Variants in BCAS3 observed in about 807,000 individuals in gnomAD.
BCAS3 encodes the protein BCAS3 microtubule associated cell migration factor, also known as BCAS4/BCAS3 fusion.
In BCAS3, 53 loss-of-function variants were observed where a neutral mutation model predicts 116.1. The ratio of observed to expected loss-of-function variants is 0.46; its 90% CI spans 0.37 to 0.57. The LOEUF (loss-of-function observed/expected upper bound fraction) is 0.57. Ranked by LOEUF, BCAS3 falls within the 20% of genes least tolerant of loss-of-function variation. BCAS3 has a pLI of 0.00. For missense variants in BCAS3, 917 were observed against 1,165.4 expected, an observed-to-expected ratio of 0.79 and a Z score of 3.10; for synonymous variants, 391 against 408.2, an observed-to-expected ratio of 0.96 and a Z score of 0.51.
intron 23 of BCAS3, among the ~76,000 whole-genome samples, chr17:61,370,444 T>A (rs555971063): frequency 6.6e-6 from 1 of 152,258 alleles, no homozygotes; most frequent in South Asian, 2.1e-4. Context: ...ACTGGAGTGC[T>A]ATGGCACAAT....
intron 22 of BCAS3, among the ~76,000 whole-genome samples, chr17:61,257,385 C>T (rs1189522219): frequency 1.4e-5 from 2 of 138,830 alleles, no homozygotes; most frequent in Admixed American, 7.7e-5. Context: ...CACACCACTG[C>T]ACTCCAACCT....
Position 61,224,442 on chromosome 17 carries a change from A to G in BCAS3, c.2425+139878A>G, listed in dbSNP as rs2082271819. On this transcript the variant is annotated intron_variant, in intron 22 of 23. Coordinates refer to ENST00000407086, the MANE Select transcript of BCAS3 (RefSeq NM_017679.5). This position sits in a 1 kb window ranked among gnomAD's most constrained non-coding sequence, Gnocchi z 5.7. ...AAGGAAAGTCATCCCAGGCAGGGAG[A>G]ACAGTGCTCGGAAAACAGGGTGTAC... Among the ~76,000 whole-genome samples the G allele has an allele frequency of 6.6e-6, 1 of 152,238 alleles. No homozygotes were observed. The highest frequency in any genetic ancestry group is 1.5e-5 in the Non-Finnish European group (1 of 68,044).
At chr17:60,727,438 A>G (rs765815987) in intron 5 of BCAS3, 66 of 1,588,064 alleles carry the variant, frequency 4.2e-5, no homozygotes, top group Non-Finnish European at 5.7e-5. Context: ...GATGCTTGCC[A>G]CACTTCTTAC....
At chr17:60,829,810 A>G (rs1037410237) in intron 7 of BCAS3, among the ~76,000 whole-genome samples, 4 of 152,124 alleles carry the variant, frequency 2.6e-5, no homozygotes, top group Non-Finnish European at 5.9e-5. Flanking sequence ...AATTAGAACA[A>G]TGTAGTAAAT....
At chr17:60,781,812 A>C (rs533177039) in intron 6 of BCAS3, among the ~76,000 whole-genome samples, 4 of 152,224 alleles carry the variant, frequency 2.6e-5, no homozygotes, top group Non-Finnish European at 5.9e-5. Flanking sequence ...AGTTAATAAC[A>C]GTTGCTATGT....
chr17:60,784,486 G>T (rs1414195290), intron 6 of BCAS3, among the ~76,000 whole-genome samples: 2 of 150,728 alleles, frequency 1.3e-5, no homozygotes, highest in Non-Finnish European at 3.0e-5. Context: ...TGTATTTTTA[G>T]TAGAGACGGG....
chr17:61,332,201 A>G lies in BCAS3; in HGVS notation c.2426-36126A>G, dbSNP rs947790321. ...GAGACACCTGGATGGCTTCTCTTCT[A>G]TGTTTCGGGGACATGAGAAGAAGGC... On this transcript the variant is annotated intron_variant, in intron 22 of 23. Coordinates refer to ENST00000407086, the MANE Select transcript of BCAS3 (RefSeq NM_017679.5). This position sits in a 1 kb window ranked among gnomAD's most constrained non-coding sequence, Gnocchi z 5.4. Among the ~76,000 whole-genome samples, 9 of 152,084 alleles carry G rather than the reference A, an allele frequency of 5.9e-5. No homozygotes were observed. Among genetic ancestry groups the G allele is most frequent in the Admixed American group, 1.3e-4 (2 of 15,272 alleles).
chr17:61,123,732 G>A (rs2075912725), intron 22 of BCAS3, among the ~76,000 whole-genome samples: 1 of 151,610 alleles, frequency 6.6e-6, no homozygotes, highest in African/African-American at 2.4e-5. Flanking sequence ...TTAATAGTTT[G>A]GCTCCTTTTT....
chr17:60,745,226 T>C (rs1319972895), intron 5 of BCAS3, among the ~76,000 whole-genome samples: 1 of 151,960 alleles, frequency 6.6e-6, no homozygotes, highest in Non-Finnish European at 1.5e-5. Flanking sequence ...ACTTGAAATA[T>C]AATTTCAATG....
chr17:60,764,479 G>T (rs924376149), intron 6 of BCAS3, among the ~76,000 whole-genome samples: 1 of 152,156 alleles, frequency 6.6e-6, no homozygotes, highest in East Asian at 1.9e-4. Flanking sequence ...GGAGCAGGTT[G>T]TTCAGTTTCC....
chr17:61,064,036 A>C (rs767492641), intron 19 of BCAS3, among the ~76,000 whole-genome samples: 1 of 152,198 alleles, frequency 6.6e-6, no homozygotes, highest in African/African-American at 2.4e-5. Flanking sequence ...TCAGTTTTCC[A>C]TGAACTTTTT....
rs577671700 is a variant in BCAS3, at chr17:61,097,335, C to T, written c.2425+12771C>T. On this transcript the variant is annotated intron_variant, in intron 22 of 23. Coordinates refer to ENST00000407086, the MANE Select transcript of BCAS3 (RefSeq NM_017679.5). This position sits in a 1 kb window ranked among gnomAD's most constrained non-coding sequence, Gnocchi z 4.0. ...CTGGGACTACAGGCGCCCGCCACCA[C>T]GCCTGGCTAATTTTTTGTATTTTTA... Among the ~76,000 whole-genome samples the T allele has an allele frequency of 1.8e-4, 27 of 152,180 alleles. No individual in the cohort carries two copies. Among genetic ancestry groups the T allele is most frequent in the Middle Eastern group, 3.4e-3 (1 of 294 alleles).
In BCAS3 at chr17:61,362,230, C is replaced by T. The variant is rs148310343; in HGVS notation, c.2426-6097C>T. Reference sequence around the variant, plus strand: ...AGCTTGCCAAGGAGGCTCCCCTCTACACTGGTTCCCCTCATCATGCCTGGG... The same window carrying T: ...AGCTTGCCAAGGAGGCTCCCCTCTATACTGGTTCCCCTCATCATGCCTGGG... On this transcript the variant is annotated intron_variant, in intron 22 of 23. Transcript: ENST00000407086. The surrounding 1 kb of genome is among the most constrained non-coding windows in gnomAD (Gnocchi z 4.4). Among the ~76,000 whole-genome samples the T allele has an allele frequency of 6.6e-6, 1 of 152,368 alleles. No homozygotes were observed. The highest frequency in any genetic ancestry group is 1.5e-5 in the Non-Finnish European group (1 of 68,032).
At chr17:60,839,355 T>C (rs1255481466) in intron 7 of BCAS3, among the ~76,000 whole-genome samples, 3 of 152,218 alleles carry the variant, frequency 2.0e-5, no homozygotes, top group Non-Finnish European at 2.9e-5. Flanking sequence ...TTGCGTCTTA[T>C]GTTGTCTGTT....
At position 61,327,743 on chromosome 17, in the gene BCAS3, C is replaced by T. The variant is rs140615242; in HGVS notation, c.2426-40584C>T. On this transcript the variant is annotated intron_variant, in intron 22 of 23. Transcript: ENST00000407086. This position sits in a 1 kb window ranked among gnomAD's most constrained non-coding sequence, Gnocchi z 5.9. ...CAGGCAGGTCTCGAACTTCTGGCCTCAAGTGGTCCAGCTGCCTCAGCCTCC... is the reference window on the plus strand; with the variant it reads ...CAGGCAGGTCTCGAACTTCTGGCCTTAAGTGGTCCAGCTGCCTCAGCCTCC... Among the ~76,000 whole-genome samples, 10 of 152,314 alleles carry T rather than the reference C, an allele frequency of 6.6e-5. No individual in the cohort carries two copies. The East Asian group carries it at 1.9e-3, about 29-fold the overall frequency.
intron 22 of BCAS3, among the ~76,000 whole-genome samples, chr17:61,268,528 C>G (rs1314246138): frequency 6.6e-6 from 1 of 152,086 alleles, no homozygotes; most frequent in South Asian, 2.1e-4. Context: ...AACTGAAACT[C>G]TATACCCATT....
At chr17:60,757,392 A>ATGTGTGTGTGTG (rs879448369) in intron 6 of BCAS3, among the ~76,000 whole-genome samples, 1 of 132,696 alleles carries the variant, frequency 7.5e-6, no homozygotes, top group African/African-American at 3.4e-5. Context: ...GCCAGCATGT[A>ATGTGTGTGTGTG]TATGTGTGTG....
At chr17:61,389,075 C>G (rs990948578) in intron 23 of BCAS3, 1 of 242,224 alleles carries the variant, frequency 4.1e-6, no homozygotes, top group African/African-American at 2.3e-5. Context: ...AGAACCCCCC[C>G]GAGGGGGTCT....
rs73326842 is a variant in BCAS3, at chr17:61,197,774, T to G, written c.2425+113210T>G. On this transcript the variant is annotated intron_variant, in intron 22 of 23. Transcript: ENST00000407086. Reference sequence around the variant, plus strand: ...GGAGACCTGAATTATCAAAGCTATCTGCTGATCCCTCAAACACTCAGATTT... The same window carrying G: ...GGAGACCTGAATTATCAAAGCTATCGGCTGATCCCTCAAACACTCAGATTT... 1.7e-3 allele frequency among the ~76,000 whole-genome samples: 257 copies of G among 152,334 alleles called. 3 individuals are homozygous for G. The highest frequency in any genetic ancestry group is 5.8e-3 in the African/African-American group (243 of 41,588).
Sources: allele counts gnomAD v4.1 joint callset (sites outside exome capture counted in the v4.1 genomes callset), GRCh38; gene constraint gnomAD v4.1.1; non-coding constraint Gnocchi (gnomAD v3.1); transcripts MANE v1.5; gene names NCBI Gene and HGNC (gene_info 2026-07-23, HGNC 2026-07-21).